The following ATRNL1 variants were observed in gnomAD, a reference collection of about 807,000 sequenced individuals.
The protein encoded by ATRNL1 is attractin-like protein 1.
A neutral mutation model predicts 182.7 loss-of-function variants in ATRNL1; 95 were observed. The ratio of observed to expected loss-of-function variants is 0.52; its 90% CI spans 0.44 to 0.62. The LOEUF is 0.62. ATRNL1 is among the 20% of genes least tolerant of loss of function. The pLI is 0.00. For synonymous variants in ATRNL1, 576 were observed against 568.3 expected (o/e 1.01, Z -0.19); for missense variants, 1,471 against 1,679.5 (o/e 0.88, Z 2.17).
At chr10:115,533,168 G>T (rs2133754575) in intron 25 of ATRNL1, among the ~76,000 whole-genome samples, 1 of 152,174 alleles carries the variant, frequency 6.6e-6, no homozygotes, top group Non-Finnish European at 1.5e-5. Flanking sequence ...AATAGTTTCA[G>T]AAGGAATGGT....
chr10:115,635,201 A>C (rs1555027628), intron 26 of ATRNL1, among the ~76,000 whole-genome samples: 2 of 152,114 alleles, frequency 1.3e-5, no homozygotes, highest in African/African-American at 4.8e-5. Flanking sequence ...TTAGTGAAAA[A>C]ACAAGCAATG....
intron 26 of ATRNL1, among the ~76,000 whole-genome samples, chr10:115,701,498 T>C (rs2133995801): frequency 6.6e-6 from 1 of 151,618 alleles, no homozygotes; most frequent in East Asian, 1.9e-4. Flanking sequence ...ATACAAAGAA[T>C]CAACAAAACC....
At chr10:115,133,005 C>T (rs1554875624) in intron 5 of ATRNL1, among the ~76,000 whole-genome samples, 1 of 152,116 alleles carries the variant, frequency 6.6e-6, no homozygotes. Flanking sequence ...AAGTCCTTGC[C>T]CATGCCTATG....
chr10:115,245,188 T>A (rs549794534), intron 10 of ATRNL1, among the ~76,000 whole-genome samples: 8 of 152,190 alleles, frequency 5.3e-5, no homozygotes, highest in African/African-American at 1.9e-4. Context: ...AAATTGCAGT[T>A]CTGTATACTC....
intron 1 of ATRNL1, among the ~76,000 whole-genome samples, chr10:115,113,179 G>C (rs1437013436): frequency 6.6e-6 from 1 of 152,164 alleles, no homozygotes; most frequent in Non-Finnish European, 1.5e-5. Context: ...TTTCCTTGTT[G>C]ACTTTCTGGA....
chr10:115,395,240 A>T (rs1042251577), intron 20 of ATRNL1, among the ~76,000 whole-genome samples: 1 of 151,872 alleles, frequency 6.6e-6, no homozygotes. Flanking sequence ...CATTTTCTTT[A>T]TCCAGTCCAG....
chr10:115,408,224 C>T (rs10885704), intron 20 of ATRNL1, among the ~76,000 whole-genome samples: 1 of 150,882 alleles, frequency 6.6e-6, no homozygotes, highest in African/African-American at 2.4e-5. Flanking sequence ...AGGATGGTCT[C>T]GATCTCCTGA....
chr10:115,464,818 T>A (rs1359532957), intron 22 of ATRNL1, among the ~76,000 whole-genome samples: 3 of 148,440 alleles, frequency 2.0e-5, no homozygotes, highest in Admixed American at 1.3e-4. Context: ...AAAAAGTGAC[T>A]TTTTGGATCC....
intron 9 of ATRNL1, among the ~76,000 whole-genome samples, chr10:115,234,577 G>A (rs917689064): frequency 6.0e-5 from 9 of 148,918 alleles, no homozygotes; most frequent in African/African-American, 9.9e-5. Context: ...TGCTAGATTC[G>A]ATTTTTTTCT....
At chr10:115,567,034 A>G (rs1414639) in intron 26 of ATRNL1, among the ~76,000 whole-genome samples, 96,395 of 152,012 alleles carry the variant, frequency 0.63, 31,650 homozygotes, top group Non-Finnish European at 0.71. Flanking sequence ...CAGCCAGGAC[A>G]AACAATGAGT....
intron 25 of ATRNL1, among the ~76,000 whole-genome samples, chr10:115,547,274 A>G (rs1156423879): frequency 6.7e-6 from 1 of 148,318 alleles, no homozygotes; most frequent in Non-Finnish European, 1.5e-5. Context: ...ATATATATAT[A>G]TATATATAAA....
At chr10:115,722,000 A>G (rs1555057892) in intron 26 of ATRNL1, among the ~76,000 whole-genome samples, 1 of 152,198 alleles carries the variant, frequency 6.6e-6, no homozygotes, top group Non-Finnish European at 1.5e-5. Flanking sequence ...AGAAAAAATA[A>G]CTAATCTTAA....
At chr10:115,124,774 C>A (rs1015908321) in intron 3 of ATRNL1, among the ~76,000 whole-genome samples, 1 of 152,062 alleles carries the variant, frequency 6.6e-6, no homozygotes, top group Admixed American at 6.6e-5. Flanking sequence ...GGAAGACACT[C>A]CCATCACTCA....
At chr10:115,343,022 T>C (rs1282967650) in intron 19 of ATRNL1, among the ~76,000 whole-genome samples, 2 of 152,186 alleles carry the variant, frequency 1.3e-5, no homozygotes, top group East Asian at 3.9e-4. Flanking sequence ...TTTGTTGCTT[T>C]TCCCTTGCTG....
At chr10:115,179,553 T>C (rs1554887517) in intron 8 of ATRNL1, among the ~76,000 whole-genome samples, 2 of 152,170 alleles carry the variant, frequency 1.3e-5, no homozygotes, top group South Asian at 2.1e-4. Context: ...TTAGATACTT[T>C]ATAATTGTTT....
rs1345889859 is a variant in ATRNL1, at chr10:115,093,797, C to T, written c.47C>T (p.Ala16Val). ...CGCACTGGTACCCCGCAGCCAGCGGCCCCGGGGGTGTGGAGGGCTCGGCCG... is the reference window on the plus strand; with the variant it reads ...CGCACTGGTACCCCGCAGCCAGCGGTCCCGGGGGTGTGGAGGGCTCGGCCG... ...RARTGTPQPAAPGVWRARPAG... is the reference protein window; with the variant it reads ...RARTGTPQPAVPGVWRARPAG... Residue 16 changes from alanine (A) to valine (V), a missense_variant, in exon 1 of 29, where the codon GCC becomes GTC. Physicochemically the swap from Ala to Val is moderately conservative, Grantham distance 64 (BLOSUM62 0). Coordinates refer to ENST00000355044, the MANE Select transcript of ATRNL1 (RefSeq NM_207303.4). The surrounding 1 kb of genome is among the most constrained non-coding windows in gnomAD (Gnocchi z 6.1). 24 of 1,465,036 alleles carry T rather than the reference C, an allele frequency of 1.6e-5. No homozygotes were observed. In the East Asian group the frequency reaches 6.7e-4, roughly 41 times the overall value. The allele number at this position is 1,465,036 out of a possible 1,614,324, so 90.8% of individuals were successfully genotyped here.
At chr10:115,427,236 T>G (rs1845945935) in intron 21 of ATRNL1, among the ~76,000 whole-genome samples, 1 of 152,200 alleles carries the variant, frequency 6.6e-6, no homozygotes, top group African/African-American at 2.4e-5. Context: ...ATGTTCAGCA[T>G]CTTTTCATAG....
intron 20 of ATRNL1, among the ~76,000 whole-genome samples, chr10:115,395,004 G>A (rs1401782859): frequency 1.3e-5 from 2 of 151,808 alleles, no homozygotes; most frequent in African/African-American, 2.4e-5. Flanking sequence ...TAATTTTAAA[G>A]TACTTTTTCC....
At chr10:115,557,311 C>T (rs1334675958) in intron 26 of ATRNL1, among the ~76,000 whole-genome samples, 1 of 152,118 alleles carries the variant, frequency 6.6e-6, no homozygotes, top group Admixed American at 6.6e-5. Flanking sequence ...AATCTCAGCA[C>T]ATAGATGGCA....
Sources: allele counts gnomAD v4.1 joint callset (sites outside exome capture counted in the v4.1 genomes callset), GRCh38; gene constraint gnomAD v4.1.1; non-coding constraint Gnocchi (gnomAD v3.1); transcripts MANE v1.5; gene names NCBI Gene and HGNC (gene_info 2026-07-23, HGNC 2026-07-21).